STARD13: variants seen among roughly 807,000 people sequenced by gnomAD.
STARD13 encodes StAR related lipid transfer domain containing 13.
STARD13 carries 62 observed loss-of-function variants against 106.4 expected under a neutral mutation model. That is an observed-to-expected ratio of 0.58 (90% CI 0.48 to 0.72). The LOEUF (loss-of-function observed/expected upper bound fraction) is 0.72. Among genes scored for constraint, STARD13 ranks in the 30% least tolerant of loss-of-function variants. The pLI is 0.00. For missense variants in STARD13, 1,387 were observed against 1,424.0 expected (o/e 0.97, Z 0.42); for synonymous variants, 565 against 553.0 (o/e 1.02, Z -0.31).
chr13:33,603,699 T>C, the STARD13 span, among the ~76,000 whole-genome samples: 1 of 152,142 alleles, frequency 6.6e-6, no homozygotes, highest in African/African-American at 2.4e-5. Context: ...AAAGAGTACA[T>C]TTTGGAAGCA....
chr13:33,218,708 C>T (rs1888178230), intron 1 of STARD13, among the ~76,000 whole-genome samples: 1 of 152,212 alleles, frequency 6.6e-6, no homozygotes, highest in African/African-American at 2.4e-5. Context: ...TACCTTAACA[C>T]AGCAGAGTAC....
chr13:33,228,249 G>C (rs929620394), intron 1 of STARD13, among the ~76,000 whole-genome samples: 2 of 152,132 alleles, frequency 1.3e-5, no homozygotes, highest in South Asian at 2.1e-4. Context: ...TCTGGCGAAG[G>C]CTGAGGTTGC....
chr13:33,359,153 TC>T, the STARD13 span, among the ~76,000 whole-genome samples: 19 of 150,974 alleles, frequency 1.3e-4, no homozygotes, highest in East Asian at 1.2e-3. Flanking sequence ...GCGTTGTTTT[TC>T]GCTCTTTGCA....
the STARD13 span, among the ~76,000 whole-genome samples, chr13:33,592,884 T>A: frequency 3.3e-5 from 5 of 152,198 alleles, no homozygotes; most frequent in Admixed American, 3.3e-4. Context: ...CCTCAAATAG[T>A]TCTGGACAAC....
At chr13:33,454,408 C>T in the STARD13 span, among the ~76,000 whole-genome samples, 1 of 152,242 alleles carries the variant, frequency 6.6e-6, no homozygotes, top group South Asian at 2.1e-4. Flanking sequence ...TAAGAAATCT[C>T]TTGCACATCT....
At position 33,104,316 on chromosome 13, in the gene STARD13, T is replaced by G. The variant is rs903729247; in HGVS notation, c.*1277A>C. On this transcript the variant is annotated 3_prime_UTR_variant, in exon 14 of 14. Transcript: ENST00000336934. ...CAATAATAAATAAGGTTGGGTCAAA[T>G]GCATAGGTAGCTTGGACTGGCTAGT... The G allele has an allele frequency of 2.0e-5, 3 of 152,408 alleles. No individual in the cohort carries two copies. The highest frequency in any genetic ancestry group is 7.2e-5 in the African/African-American group (3 of 41,464). The allele number at this position is 152,408 out of a possible 1,614,324, so 9.4% of individuals were successfully genotyped here. A position where few individuals can be genotyped will look rare whatever the true frequency, so the allele number is the denominator to read the frequency against.
chr13:33,225,933 C>T (rs1888603268), intron 1 of STARD13, among the ~76,000 whole-genome samples: 1 of 152,200 alleles, frequency 6.6e-6, no homozygotes, highest in African/African-American at 2.4e-5. Context: ...CCCAGTGTGA[C>T]TGCATCCTTA....
At chr13:33,134,307 A>G (rs1385719777) in intron 4 of STARD13, among the ~76,000 whole-genome samples, 1 of 152,182 alleles carries the variant, frequency 6.6e-6, no homozygotes, top group Non-Finnish European at 1.5e-5. Context: ...AAAACTCATA[A>G]TGTTTTAAGA....
chr13:33,133,975 GTT>G lies in STARD13; in HGVS notation c.388-3688_388-3687del, dbSNP rs1566013672. On this transcript the variant is annotated intron_variant, in intron 4 of 13. Coordinates refer to ENST00000336934, the MANE Select transcript of STARD13 (RefSeq NM_178006.4). ...TAATTTTTGAGGTTAACAATGAATA[GTT>G]TGTGATTATTTAGAAATGTAAAATG... Among the ~76,000 whole-genome samples the G allele has an allele frequency of 4.6e-5, 7 of 151,404 alleles. No homozygotes were observed. The East Asian group carries it at 1.4e-3, about 29-fold the overall frequency.
At chr13:33,369,474 T>C in the STARD13 span, among the ~76,000 whole-genome samples, 1 of 152,214 alleles carries the variant, frequency 6.6e-6, no homozygotes, top group African/African-American at 2.4e-5. Flanking sequence ...TCAAAAAAGC[T>C]TACATTTAAG....
At chr13:33,593,797 TCCCATCTCTCTAGAGATGGGATCAGTC>T in the STARD13 span, among the ~76,000 whole-genome samples, 2 of 152,234 alleles carry the variant, frequency 1.3e-5, no homozygotes, top group South Asian at 2.1e-4. Flanking sequence ...TGACAGGACA[TCCCATCTCTCTAGAGATGGGATCAGTC>T]CCCATCTCCC....
At chr13:33,355,287 T>G (rs1252358143), upstream of STARD13, 1 of 152,194 alleles carries the variant, frequency 6.6e-6, no homozygotes, top group Non-Finnish European at 1.5e-5. Flanking sequence ...TACATTTTTA[T>G]CCCTTCCACT....
chr13:33,629,788 T>C, the STARD13 span, among the ~76,000 whole-genome samples: 5,248 of 152,188 alleles, frequency 0.034, 214 homozygotes, highest in East Asian at 0.17. Context: ...AAGGAATAGC[T>C]GGGCAAAAAA....
At chr13:33,441,674 A>G in the STARD13 span, among the ~76,000 whole-genome samples, 2 of 152,236 alleles carry the variant, frequency 1.3e-5, no homozygotes, top group African/African-American at 4.8e-5. Context: ...TATCAGGTAC[A>G]CAGTATTCTA....
chr13:33,637,421 TA>T, the STARD13 span, among the ~76,000 whole-genome samples: 2 of 152,296 alleles, frequency 1.3e-5, no homozygotes, highest in Non-Finnish European at 2.9e-5. Context: ...CCTTCTGGCC[TA>T]GGGGGTAAAT....
chr13:33,640,190 T>C, the STARD13 span, among the ~76,000 whole-genome samples: 80 of 152,120 alleles, frequency 5.3e-4, 1 homozygote, highest in Non-Finnish European at 1.1e-3. Context: ...CTCATTGTGA[T>C]CTCTACACAG....
At chr13:33,138,959 A>G (rs1442647429) in intron 4 of STARD13, 3 of 393,764 alleles carry the variant, frequency 7.6e-6, no homozygotes, top group African/African-American at 6.3e-5. Context: ...AGAAAGGTGT[A>G]TGGCTAACCA....
chr13:33,472,855 C>T, the STARD13 span, among the ~76,000 whole-genome samples: 5 of 151,992 alleles, frequency 3.3e-5, no homozygotes, highest in South Asian at 2.1e-4. Flanking sequence ...CAGAGGAATG[C>T]GAAAATGTCT....
chr13:33,237,944 C>A (rs746163025), intron 1 of STARD13, among the ~76,000 whole-genome samples: 1 of 152,142 alleles, frequency 6.6e-6, no homozygotes, highest in Non-Finnish European at 1.5e-5. Flanking sequence ...AAGAGATAGA[C>A]AAAATTATGT....
Sources: gnomAD v4.1 joint callset for allele counts (sites outside exome capture counted in the v4.1 genomes callset) on GRCh38, gnomAD v4.1.1 for gene constraint, MANE v1.5 for transcripts, NCBI Gene and HGNC (gene_info 2026-07-23, HGNC 2026-07-21) for gene names.